AGAP3: variants seen among roughly 807,000 people sequenced by gnomAD.
The protein encoded by AGAP3 is arf-GAP with GTPase, ANK repeat and PH domain-containing protein 3.
Under a neutral mutation model 96.9 loss-of-function variants are expected in AGAP3, and 24 were observed. That is an observed-to-expected ratio of 0.25 (90% confidence interval 0.18 to 0.35). AGAP3 has a LOEUF of 0.35. AGAP3 is among the 10% of genes least tolerant of loss of function. The probability of loss-of-function intolerance (pLI) is 1.00; values close to 1 mark genes in which losing one functional copy is unlikely to be tolerated. For synonymous variants in AGAP3, 563 were observed against 536.1 expected (o/e 1.05, Z -0.69); for missense variants, 876 against 1,254.2 (o/e 0.70, Z 4.55).
At position 151,091,373 on chromosome 7, in the gene AGAP3, A is replaced by C. The variant is rs1363405373; in HGVS notation, c.331+4301A>C. Among the ~76,000 whole-genome samples, 5 of 152,368 alleles carry C rather than the reference A, an allele frequency of 3.3e-5. No individual in the cohort carries two copies. In the East Asian group the frequency reaches 9.6e-4, roughly 29 times the overall value. ...GCAAGAGTTCTAGCAATTCTGAAAA[A>C]GAGCATAACCATGTGGGTGCTAGTA... is the stretch of plus-strand genomic sequence containing the variant. On this transcript the variant is annotated intron_variant, in intron 1 of 17. Coordinates refer to ENST00000397238, the MANE Select transcript of AGAP3 (RefSeq NM_031946.7).
At chr7:151,097,968 C>T (rs1276388541) in intron 1 of AGAP3, among the ~76,000 whole-genome samples, 1 of 152,188 alleles carries the variant, frequency 6.6e-6, no homozygotes, top group Non-Finnish European at 1.5e-5. Context: ...TGACACCCAG[C>T]GCCTCCGCAT....
At chr7:151,113,449 G>A (rs1004187073) in intron 1 of AGAP3, among the ~76,000 whole-genome samples, 1 of 152,202 alleles carries the variant, frequency 6.6e-6, no homozygotes, top group African/African-American at 2.4e-5. Context: ...AGGATGGAGA[G>A]GCCCTGCCTT....
At chr7:151,137,567 G>A (rs992202686) in intron 11 of AGAP3, among the ~76,000 whole-genome samples, 20 of 152,230 alleles carry the variant, frequency 1.3e-4, no homozygotes, top group Non-Finnish European at 2.4e-4. Context: ...GCCGGCCGCC[G>A]CGCCTGCCCC....
chr7:151,132,891 C>T (rs149202111), intron 10 of AGAP3, among the ~76,000 whole-genome samples: 111 of 152,340 alleles, frequency 7.3e-4, no homozygotes, highest in African/African-American at 2.5e-3. Context: ...CAAGAGGCAG[C>T]AGGCCCCCTG....
At chr7:151,122,614 C>A in intron 8 of AGAP3, 2 of 1,264,338 alleles carry the variant, frequency 1.6e-6, no homozygotes, top group Admixed American at 2.2e-5. Context: ...CCTCTTCATC[C>A]CGCTGCCGCC....
chr7:151,116,651 G>A, intron 1 of AGAP3, 142 bp from the exon 2 acceptor site: 7 of 837,344 alleles, frequency 8.4e-6, no homozygotes, highest in Non-Finnish European at 1.2e-5. Context: ...GGAACTAGGG[G>A]TGAGGGTTGG....
At position 151,142,193 on chromosome 7, in the gene AGAP3, G is replaced by C. The variant is rs774098978; in HGVS notation, c.1990G>C (p.Ala664Pro). ...TRLGNQNAAL[A>P]VQAVRTVRGN... ...ACTGGGGAACCAGAACGCAGCTCTG[G>C]CTGTGCAGGCCGTCCGCACCGTCCG... The change falls in exon 15 of 18, where the codon GCT (alanine) becomes CCT (proline). Residue 664 changes from alanine to proline, a missense_variant. Around this residue, in one of 8 missense-constraint regions of AGAP3, gnomAD observed 103 missense variants for 183.0 expected, o/e 0.56. Transcript: ENST00000397238. The surrounding 1 kb of genome is among the most constrained non-coding windows in gnomAD (Gnocchi z 7.5). 1.2e-6 allele frequency: 2 copies of C among 1,613,768 alleles called. No individual in the cohort carries two copies. Among genetic ancestry groups the C allele is most frequent in the Admixed American group, 1.7e-5 (1 of 60,022 alleles).
intron 1 of AGAP3, among the ~76,000 whole-genome samples, chr7:151,112,816 G>A (rs1427124069): frequency 6.6e-6 from 1 of 152,016 alleles, no homozygotes; most frequent in Non-Finnish European, 1.5e-5. Flanking sequence ...TGCCCAGGCT[G>A]GTCTCCAACT....
At position 151,141,784 on chromosome 7, in the gene AGAP3, C is replaced by T; in HGVS notation, c.1805-114C>T. 1 of 1,394,370 alleles carries T rather than the reference C, an allele frequency of 7.2e-7. No homozygotes were observed. The highest frequency in any genetic ancestry group is 1.0e-6 in the Non-Finnish European group (1 of 991,246). 86.4% of individuals were successfully genotyped at this position (1,394,370 alleles called of 1,614,324 possible). A position where few individuals can be genotyped will look rare whatever the true frequency, so the allele number is the denominator to read the frequency against. On this transcript the variant is annotated intron_variant, in intron 13 of 17. Coordinates refer to ENST00000397238, the MANE Select transcript of AGAP3 (RefSeq NM_031946.7). The surrounding 1 kb of genome is among the most constrained non-coding windows in gnomAD (Gnocchi z 4.2). Reference sequence around the variant, plus strand: ...TGTGGCCTTGCAGCTGGGGAAGGGTCTAGGGGAGGACACTTGCCAGTGGAG... The same window carrying T: ...TGTGGCCTTGCAGCTGGGGAAGGGTTTAGGGGAGGACACTTGCCAGTGGAG...
chr7:151,089,206 T>C (rs900496075), intron 1 of AGAP3, among the ~76,000 whole-genome samples: 1 of 152,188 alleles, frequency 6.6e-6, no homozygotes, highest in Non-Finnish European at 1.5e-5. Context: ...CCCTATATCC[T>C]TCCTGCGATA....
At chr7:151,135,166 C>T (rs1800545449) in intron 11 of AGAP3, among the ~76,000 whole-genome samples, 1 of 152,332 alleles carries the variant, frequency 6.6e-6, no homozygotes, top group Admixed American at 6.5e-5. Flanking sequence ...CTCCTTTGGG[C>T]CCCCAGGCCC....
intron 5 of AGAP3, 139 bp downstream of exon 5, chr7:151,117,916 C>A: frequency 2.4e-6 from 3 of 1,227,476 alleles, no homozygotes; most frequent in Non-Finnish European, 3.3e-6. Flanking sequence ...TCAGCACTCT[C>A]CGTGCTGCTC....
Position 151,134,527 on chromosome 7 carries a change from T to C in AGAP3, c.1454T>C (p.Leu485Pro). The C allele has an allele frequency of 6.2e-7, 1 of 1,613,034 alleles. No homozygotes were observed. The highest frequency in any genetic ancestry group is 8.5e-7 in the Non-Finnish European group (1 of 1,179,894). ...APGTSPRANG[L>P]SVERSNTQLG... ...GGCACCAGCCCCCGTGCCAACGGGC[T>C]GTCCGTGGAGCGGAGTAACACACAG... Residue 485 changes from leucine (L) to proline (P), a missense_variant, in exon 11 of 18, where the codon CTG becomes CCG. This residue lies in a region of AGAP3 where 63 missense variants were observed against 114.5 expected (regional missense o/e 0.55). Transcript: ENST00000397238.
chr7:151,129,958 C>T (rs1440475527), intron 10 of AGAP3, among the ~76,000 whole-genome samples: 3 of 152,222 alleles, frequency 2.0e-5, no homozygotes, highest in Non-Finnish European at 4.4e-5. Context: ...GACAGGAAGT[C>T]CCAGGTAGGA....
At position 151,114,748 on chromosome 7, in the gene AGAP3, G is replaced by T; in HGVS notation, c.332-2045G>T. 9.8e-7 allele frequency: 1 copy of T among 1,016,224 alleles called. No homozygotes were observed. Among genetic ancestry groups the T allele is most frequent in the Non-Finnish European group, 1.2e-6 (1 of 851,234 alleles). 63.0% of individuals were successfully genotyped at this position (1,016,224 alleles called of 1,614,324 possible). A position where few individuals can be genotyped will look rare whatever the true frequency, so the allele number is the denominator to read the frequency against. On this transcript the variant is annotated intron_variant, in intron 1 of 17. Coordinates refer to ENST00000397238, the MANE Select transcript of AGAP3 (RefSeq NM_031946.7). This position sits in a 1 kb window ranked among gnomAD's most constrained non-coding sequence, Gnocchi z 4.4. Reference sequence around the variant, plus strand: ...CCCCGTGCCCCTCGCCATGGGCCTGGCCCGCGCCCGCCGGCCCTGAGCATG... The same window carrying T: ...CCCCGTGCCCCTCGCCATGGGCCTGTCCCGCGCCCGCCGGCCCTGAGCATG...
In AGAP3 at chr7:151,112,396, C is replaced by CGTATGT. The variant is rs372118031; in HGVS notation, c.332-4395_332-4394insATGTGT. ...GGATTGCTGCCTGCCTTCCCCGAGA[C>CGTATGT]GTGTGTGTGTGTGTGTGTGTGTGTG... On this transcript the variant is annotated intron_variant, in intron 1 of 17. Coordinates refer to ENST00000397238, the MANE Select transcript of AGAP3 (RefSeq NM_031946.7). 4.5e-3 allele frequency among the ~76,000 whole-genome samples: 632 copies of CGTATGT among 139,948 alleles called. 5 individuals carry two copies. The highest frequency in any genetic ancestry group is 0.015 in the African/African-American group (592 of 38,292). The allele number at this position is 139,948 out of a possible 152,430, so 91.8% of individuals were successfully genotyped here.
chr7:151,121,217 C>T (rs957196561), intron 8 of AGAP3, among the ~76,000 whole-genome samples: 5 of 152,204 alleles, frequency 3.3e-5, no homozygotes, highest in African/African-American at 7.2e-5. Context: ...CCTGCCCTCG[C>T]GGCCATCCAT....
In AGAP3 at chr7:151,120,126, G is replaced by C. The variant is rs764106397; in HGVS notation, c.1109G>C (p.Arg370Pro). The C allele has an allele frequency of 6.2e-7, 1 of 1,611,768 alleles. No homozygotes were observed. The highest frequency in any genetic ancestry group is 1.7e-5 in the Admixed American group (1 of 59,784). Residue 370 changes from arginine (R) to proline (P), a missense_variant, in exon 8 of 18, where the codon CGG becomes CCG. By Grantham distance (103) the Arg-to-Pro change is moderately radical (BLOSUM62 -2). This residue lies in a region of AGAP3 where 100 missense variants were observed against 129.4 expected (regional missense o/e 0.77). Coordinates refer to ENST00000397238, the MANE Select transcript of AGAP3 (RefSeq NM_031946.7). ...TPTPIRKQSKRRSNIFTSRKG... is the reference protein window; with the variant it reads ...TPTPIRKQSKPRSNIFTSRKG... Reference sequence around the variant, plus strand: ...ACACCCATCCGAAAGCAGTCCAAGCGGCGCTCCAACATCTTCACGGTACGT... The same window carrying C: ...ACACCCATCCGAAAGCAGTCCAAGCCGCGCTCCAACATCTTCACGGTACGT...
At chr7:151,102,864 G>T (rs1046089393) in intron 1 of AGAP3, among the ~76,000 whole-genome samples, 1 of 152,030 alleles carries the variant, frequency 6.6e-6, no homozygotes, top group African/African-American at 2.4e-5. Context: ...AATCTCCCTC[G>T]GCCTCCCAAA....
Sources: allele counts gnomAD v4.1 joint callset (sites outside exome capture counted in the v4.1 genomes callset), GRCh38; gene constraint gnomAD v4.1.1; regional missense constraint gnomAD v4.1.1; non-coding constraint Gnocchi (gnomAD v3.1); transcripts MANE v1.5; gene names NCBI Gene and HGNC (gene_info 2026-07-23, HGNC 2026-07-21).